Variants in METAP1D observed in about 807,000 individuals in gnomAD.
METAP1D encodes methionyl aminopeptidase type 1D, mitochondrial.
In METAP1D, 31 loss-of-function variants were observed where a neutral mutation model predicts 40.5. The ratio of observed to expected loss-of-function variants is 0.77; its 90% CI spans 0.58 to 1.03. The LOEUF is 1.03. Among genes scored for constraint, METAP1D ranks in the 50% least tolerant of loss-of-function variants. The pLI, the probability that METAP1D is intolerant of heterozygous loss-of-function variation, is 0.00. For missense variants in METAP1D, 411 were observed against 420.7 expected, an observed-to-expected ratio of 0.98 and a Z score of 0.20; for synonymous variants, 151 against 146.4, an observed-to-expected ratio of 1.03 and a Z score of -0.22.
At chr2:172,069,059 C>T (rs1690358019) in intron 5 of METAP1D, among the ~76,000 whole-genome samples, 1 of 152,076 alleles carries the variant, frequency 6.6e-6, no homozygotes, top group Non-Finnish European at 1.5e-5. Flanking sequence ...GCTAGAACTA[C>T]AGGCGTGTGC....
At chr2:172,012,243 C>G (rs1240674678) in intron 1 of METAP1D, among the ~76,000 whole-genome samples, 14 of 152,156 alleles carry the variant, frequency 9.2e-5, no homozygotes, top group Admixed American at 9.2e-4. Context: ...ATTGATATTT[C>G]AAAGGACAAC....
intron 1 of METAP1D, among the ~76,000 whole-genome samples, chr2:172,052,683 G>A (rs1689910037): frequency 6.6e-6 from 1 of 152,190 alleles, no homozygotes; most frequent in African/African-American, 2.4e-5. Flanking sequence ...TTTAAAACAA[G>A]TTCACTAATG....
chr2:172,077,632 T>C (rs1344920811), intron 6 of METAP1D, among the ~76,000 whole-genome samples, 165 bp from the exon 7 acceptor site: 1 of 152,194 alleles, frequency 6.6e-6, no homozygotes, highest in African/African-American at 2.4e-5. Context: ...ACAGCAAAAA[T>C]TAAAATTATT....
chr2:172,036,114 A>C (rs12987945), intron 1 of METAP1D, among the ~76,000 whole-genome samples: 87 of 151,414 alleles, frequency 5.7e-4, no homozygotes, highest in South Asian at 1.0e-3. Context: ...TCAGGAGATC[A>C]AGACCATCCT....
chr2:172,047,362 A>G (rs1008152), intron 1 of METAP1D, among the ~76,000 whole-genome samples: 26,542 of 152,234 alleles, frequency 0.17, 2,673 homozygotes, highest in Non-Finnish European at 0.23. Flanking sequence ...GAGGTTACCA[A>G]GGGCAACGTT....
chr2:172,080,094 G>T (rs1338675201), intron 8 of METAP1D, 34 bp from the exon 9 acceptor site: 1 of 1,543,090 alleles, frequency 6.5e-7, no homozygotes, highest in Admixed American at 1.8e-5. Flanking sequence ...AGAATCTGAT[G>T]AGGTCACTGC....
rs571949985 is a variant in METAP1D, at chr2:171,999,995, T to A, written c.26T>A (p.Leu9Gln). 1 of 1,343,876 alleles carries A rather than the reference T, an allele frequency of 7.4e-7. No individual in the cohort carries two copies. Among genetic ancestry groups the A allele is most frequent in the Non-Finnish European group, 9.6e-7 (1 of 1,039,592 alleles). 83.2% of individuals were successfully genotyped at this position (1,343,876 alleles called of 1,614,324 possible). The change falls in exon 1 of 10, where the codon CTG becomes CAG. Residue 9 changes from leucine (L) to glutamine (Q), a missense_variant. Transcript: ENST00000315796. ...ATGGCGGCGCCCAGTGGCGTCCACC[T>A]GCTCGTCCGCAGAGGTAAGCGCGTG... is the stretch of plus-strand genomic sequence containing the variant. MAAPSGVH[L>Q]LVRRGSHRIF...
rs75070321 is a variant in METAP1D, at chr2:172,060,305, A to C, written c.41-1193A>C. Among the ~76,000 whole-genome samples, 5,719 of 150,956 alleles carry C rather than the reference A, an allele frequency of 0.038. 615 individuals are homozygous for C. In the East Asian group the frequency reaches 0.45, roughly 12 times the overall value. ...GTAGCATGTGCCTGTGGTTCCAGCT[A>C]CTCAAGAGGCTGAAGTGGGAGGATT... On this transcript the variant is annotated intron_variant, in intron 1 of 9. Transcript: ENST00000315796.
At chr2:172,069,270 T>A (rs887231031) in intron 5 of METAP1D, among the ~76,000 whole-genome samples, 2 of 152,244 alleles carry the variant, frequency 1.3e-5, no homozygotes, top group East Asian at 1.9e-4. Context: ...AAAGATTTTT[T>A]AAAATAGTAC....
chr2:172,059,052 T>C (rs1239331432), intron 1 of METAP1D, among the ~76,000 whole-genome samples: 2 of 152,112 alleles, frequency 1.3e-5, no homozygotes, highest in African/African-American at 4.8e-5. Flanking sequence ...AGTTTCTATG[T>C]TTGTAGGTCG....
Position 172,060,577 on chromosome 2 carries a change from A to G in METAP1D, c.41-921A>G, listed in dbSNP as rs117339985. Among the ~76,000 whole-genome samples, 60 of 152,254 alleles carry G rather than the reference A, an allele frequency of 3.9e-4. No individual in the cohort carries two copies. In the East Asian group the frequency reaches 0.01, roughly 25 times the overall value. Reference sequence around the variant, plus strand: ...CCTTTTACATTAATGGGCTTTTTATATGTATTTGTTAAGCATTCACTTTTT... The same window carrying G: ...CCTTTTACATTAATGGGCTTTTTATGTGTATTTGTTAAGCATTCACTTTTT... On this transcript the variant is annotated intron_variant, in intron 1 of 9. Coordinates refer to ENST00000315796, the MANE Select transcript of METAP1D (RefSeq NM_199227.3).
intron 1 of METAP1D, among the ~76,000 whole-genome samples, chr2:172,017,355 G>GTATATATGTATATATATGTGTA (rs1237131522): frequency 6.8e-6 from 1 of 146,592 alleles, no homozygotes; most frequent in Non-Finnish European, 1.5e-5. Context: ...GTATATATAG[G>GTATATATGTATATATATGTGTA]TATATATGTA....
intron 1 of METAP1D, among the ~76,000 whole-genome samples, chr2:172,003,844 A>T (rs113581406): frequency 1.5e-4 from 23 of 151,884 alleles, no homozygotes; most frequent in African/African-American, 5.1e-4. Flanking sequence ...GGCTCACTGC[A>T]ACCTCTGCCT....
intron 7 of METAP1D, among the ~76,000 whole-genome samples, chr2:172,078,621 C>T (rs1215482389): frequency 6.6e-6 from 1 of 152,194 alleles, no homozygotes; most frequent in East Asian, 1.9e-4. Flanking sequence ...GACCCATGCC[C>T]TCGAGGATCG....
chr2:172,036,650 C>T (rs1010447143), intron 1 of METAP1D, among the ~76,000 whole-genome samples: 1 of 151,878 alleles, frequency 6.6e-6, no homozygotes, highest in Non-Finnish European at 1.5e-5. Flanking sequence ...CAGGCGTGAG[C>T]CACCGCACCC....
Position 172,071,056 on chromosome 2 carries a change from T to G in METAP1D, c.690T>G (p.Ile230Met). ...ACRAGAPFSV[I>M]GNTISHITHQ... is the part of the protein sequence containing the mutation. Reference sequence around the variant, plus strand: ...GAGCAGGGGCTCCCTTCTCTGTAATTGGAAACACAATCAGGTAAGCCTTAC... The same window carrying G: ...GAGCAGGGGCTCCCTTCTCTGTAATGGGAAACACAATCAGGTAAGCCTTAC... Residue 230 changes from isoleucine to methionine, a missense_variant, in exon 6 of 10, where the codon ATT becomes ATG. Transcript: ENST00000315796. The G allele has an allele frequency of 6.2e-7, 1 of 1,610,430 alleles. No homozygotes were observed. Among genetic ancestry groups the G allele is most frequent in the Non-Finnish European group, 8.5e-7 (1 of 1,178,076 alleles).
intron 1 of METAP1D, among the ~76,000 whole-genome samples, chr2:172,045,603 G>T (rs188067866): frequency 2.9e-4 from 43 of 148,584 alleles, no homozygotes; most frequent in African/African-American, 9.2e-4. Flanking sequence ...GGAGGTTGCG[G>T]TGAGCCGAGA....
chr2:172,003,095 G>A (rs1237251981), intron 1 of METAP1D, among the ~76,000 whole-genome samples: 1 of 152,146 alleles, frequency 6.6e-6, no homozygotes, highest in Admixed American at 6.5e-5. Context: ...ATACAGAATT[G>A]AGAGGCTGTT....
Position 172,081,482 on chromosome 2 carries a change from C to T in METAP1D, c.*1076C>T, listed in dbSNP as rs1338998596. 1 of 152,292 alleles carries T rather than the reference C, an allele frequency of 6.6e-6. No homozygotes were observed. The highest frequency in any genetic ancestry group is 2.4e-5 in the African/African-American group (1 of 41,460). The allele number at this position is 152,292 out of a possible 1,614,324, so 9.4% of individuals were successfully genotyped here. On this transcript the variant is annotated 3_prime_UTR_variant, in exon 10 of 10. Transcript: ENST00000315796. ...CTCCAGTTCGGCCGGCAGTTCCATC[C>T]CGCTTCAGGAACAGGAATCCAAGGG...
Sources: gnomAD v4.1 joint callset for allele counts (sites outside exome capture counted in the v4.1 genomes callset) on GRCh38, gnomAD v4.1.1 for gene constraint, MANE v1.5 for transcripts, NCBI Gene and HGNC (gene_info 2026-07-23, HGNC 2026-07-21) for gene names.